The following SMIM45 variants were observed in gnomAD, a reference collection of about 807,000 sequenced individuals.
SMIM45 encodes long intergenic non-protein coding RNA 634.
At chr22:41,954,822 A>G in the SMIM45 span, among the ~76,000 whole-genome samples, 4 of 152,170 alleles carry the variant, frequency 2.6e-5, no homozygotes, top group East Asian at 5.9e-4. Flanking sequence ...CCTGGCCAAC[A>G]TGGCAAAACC....
At chr22:41,955,487 T>C in the SMIM45 span, among the ~76,000 whole-genome samples, 1 of 152,026 alleles carries the variant, frequency 6.6e-6, no homozygotes, top group Non-Finnish European at 1.5e-5. Flanking sequence ...TGCAAAATGC[T>C]CTTTAGGCAT....
chr22:41,957,179 G>GTTTTT, the SMIM45 span, among the ~76,000 whole-genome samples: 1 of 104,146 alleles, frequency 9.6e-6, no homozygotes, highest in Admixed American at 1.2e-4. Flanking sequence ...TCACCACGTG[G>GTTTTT]TCTTTTTTTT....
chr22:41,951,729 A>G, the SMIM45 span, among the ~76,000 whole-genome samples: 11 of 152,314 alleles, frequency 7.2e-5, no homozygotes, highest in Admixed American at 2.0e-4. Flanking sequence ...GAAATGTTAC[A>G]TTGAGCCAAT....
At chr22:41,957,181 CTTTTTTTT>C in the SMIM45 span, among the ~76,000 whole-genome samples, 4,551 of 59,234 alleles carry the variant, frequency 0.077, 376 homozygotes, top group African/African-American at 0.26. Context: ...ACCACGTGGT[CTTTTTTTT>C]TTTTTTTTTT....
chr22:41,947,126 A>T, the SMIM45 span: 2 of 1,589,156 alleles, frequency 1.3e-6, no homozygotes, highest in Non-Finnish European at 1.7e-6. Context: ...CGATCTTTCA[A>T]ACCGCCCTGA....
the SMIM45 span, among the ~76,000 whole-genome samples, chr22:41,957,181 C>A: frequency 1.7e-5 from 1 of 59,292 alleles, no homozygotes; most frequent in Admixed American, 2.5e-4. Context: ...ACCACGTGGT[C>A]TTTTTTTTTT....
the SMIM45 span, chr22:41,958,127 A>G: frequency 2.9e-6 from 1 of 345,942 alleles, no homozygotes; most frequent in African/African-American, 2.2e-5. Flanking sequence ...CGACTCACCC[A>G]GAGCCCACCC....
the SMIM45 span, among the ~76,000 whole-genome samples, chr22:41,949,295 T>A: frequency 6.6e-6 from 1 of 150,544 alleles, no homozygotes; most frequent in Non-Finnish European, 1.5e-5. Flanking sequence ...AAGAGATGGA[T>A]GGGAGGAGGC....
chr22:41,956,928 G>A, the SMIM45 span, among the ~76,000 whole-genome samples: 3 of 152,242 alleles, frequency 2.0e-5, no homozygotes, highest in South Asian at 2.1e-4. Context: ...TTACAGGTGC[G>A]TGCCATCATG....
At chr22:41,956,760 A>G in the SMIM45 span, among the ~76,000 whole-genome samples, 1 of 152,230 alleles carries the variant, frequency 6.6e-6, no homozygotes, top group East Asian at 1.9e-4. Flanking sequence ...AGGTTAGGCA[A>G]CTTGCCCAAG....
the SMIM45 span, among the ~76,000 whole-genome samples, chr22:41,956,916 G>T: frequency 6.6e-6 from 1 of 152,206 alleles, no homozygotes; most frequent in African/African-American, 2.4e-5. Flanking sequence ...AAGTAGCTAG[G>T]ATTACAGGTG....
chr22:41,949,060 CA>C, the SMIM45 span, among the ~76,000 whole-genome samples: 1 of 151,422 alleles, frequency 6.6e-6, no homozygotes, highest in African/African-American at 2.4e-5. Context: ...AGCGAAACTC[CA>C]TCACAAAAAC....
chr22:41,947,853 G>A, the SMIM45 span, among the ~76,000 whole-genome samples: 9 of 150,912 alleles, frequency 6.0e-5, no homozygotes, highest in African/African-American at 2.2e-4. Flanking sequence ...CAGGTGGGTC[G>A]TAAACTCCTG....
At chr22:41,953,463 G>A in the SMIM45 span, among the ~76,000 whole-genome samples, 21 of 152,302 alleles carry the variant, frequency 1.4e-4, no homozygotes, top group Admixed American at 1.0e-3. Context: ...GGGGTTTGGC[G>A]TCTAGCTCTG....
the SMIM45 span, among the ~76,000 whole-genome samples, chr22:41,957,289 G>T: frequency 2.7e-5 from 4 of 147,464 alleles, no homozygotes; most frequent in African/African-American, 7.6e-5. Context: ...TGCTTCCCAG[G>T]TTCACGACAT....
chr22:41,952,939 C>A, the SMIM45 span, among the ~76,000 whole-genome samples: 31 of 152,244 alleles, frequency 2.0e-4, no homozygotes, highest in Admixed American at 1.5e-3. Flanking sequence ...AGCCTCCCTG[C>A]CTGAGGTGCT....
chr22:41,954,075 T>A, the SMIM45 span, among the ~76,000 whole-genome samples: 1 of 151,940 alleles, frequency 6.6e-6, no homozygotes, highest in South Asian at 2.1e-4. Context: ...TTATGTAAAA[T>A]ATTCAGAACC....
At chr22:41,947,042 C>T in the SMIM45 span, 3 of 1,612,946 alleles carry the variant, frequency 1.9e-6, no homozygotes, top group Admixed American at 3.3e-5. Flanking sequence ...CGTGTTCAGG[C>T]CGGGCAGCTT....
chr22:41,958,520 C>G, the SMIM45 span: 1 of 350,810 alleles, frequency 2.9e-6, no homozygotes, highest in Non-Finnish European at 5.5e-6. Context: ...CTGGGGGGAG[C>G]GGGCAAGCAT....
Sources: gnomAD v4.1 joint callset for allele counts (sites outside exome capture counted in the v4.1 genomes callset) on GRCh38, gnomAD v4.1.1 for gene constraint, MANE v1.5 for transcripts, NCBI Gene and HGNC (gene_info 2026-07-23, HGNC 2026-07-21) for gene names.